SMC1B: variants seen among roughly 807,000 people sequenced by gnomAD.
The protein encoded by SMC1B is structural maintenance of chromosomes 1B.
SMC1B carries 60 observed loss-of-function variants against 157.9 expected under a neutral mutation model. The ratio of observed to expected loss-of-function variants is 0.38; its 90% CI spans 0.31 to 0.47. The LOEUF is 0.47. SMC1B is among the 20% of genes least tolerant of loss of function. The pLI, the probability that SMC1B is intolerant of heterozygous loss-of-function variation, is 0.99. For synonymous variants in SMC1B, 445 were observed against 483.0 expected (o/e 0.92, Z 1.03); for missense variants, 1,165 against 1,426.2 (o/e 0.82, Z 2.95).
intron 18 of SMC1B, among the ~76,000 whole-genome samples, chr22:45,359,498 G>C (rs767716362): frequency 1.3e-5 from 2 of 152,196 alleles, no homozygotes; most frequent in African/African-American, 2.4e-5. Flanking sequence ...CCCCGCACAT[G>C]ATGTAAAATG....
intron 1 of SMC1B, among the ~76,000 whole-genome samples, chr22:45,411,074 C>T (rs1254723499): frequency 6.6e-6 from 1 of 152,186 alleles, no homozygotes; most frequent in African/African-American, 2.4e-5. Context: ...AAAATAAATA[C>T]TTCTCATCCA....
At chr22:45,387,245 C>T (rs1040218877) in intron 10 of SMC1B, among the ~76,000 whole-genome samples, 199 bp from the exon 11 acceptor site, 4 of 152,064 alleles carry the variant, frequency 2.6e-5, no homozygotes, top group Admixed American at 6.6e-5. Flanking sequence ...GTCAGGAGTT[C>T]GAGACCAGCC....
chr22:45,350,676 C>CCAT (rs2086605998), intron 22 of SMC1B, among the ~76,000 whole-genome samples: 1 of 152,178 alleles, frequency 6.6e-6, no homozygotes, highest in African/African-American at 2.4e-5. Flanking sequence ...CAAACTTCTC[C>CCAT]CCTGCCCTCC....
intron 22 of SMC1B, among the ~76,000 whole-genome samples, chr22:45,351,491 GT>G (rs1483164085): frequency 6.6e-6 from 1 of 152,142 alleles, no homozygotes; most frequent in African/African-American, 2.4e-5. Flanking sequence ...ACTCTTGTAT[GT>G]TTTTGTTCCT....
In SMC1B at chr22:45,383,602, A is replaced by C; in HGVS notation, c.1923T>G (p.Leu641=). The C allele has an allele frequency of 6.3e-7, 1 of 1,595,306 alleles. No homozygotes were observed. The highest frequency in any genetic ancestry group is 1.1e-5 in the South Asian group (1 of 87,388). The change falls in exon 12 of 25, where the codon CTT becomes CTG. Residue 641 remains leucine (L), a synonymous_variant. Coordinates refer to ENST00000357450, the MANE Select transcript of SMC1B (RefSeq NM_148674.5). ...CAGATTTTAAAAATAATGTTCCATC[A>C]AGAGCTACTGTCTGTAAAAGTAAAA... ...SGPERQKTVA[L]DGTLFLKSGV...
chr22:45,376,714 T>C (rs1034311194), intron 12 of SMC1B, among the ~76,000 whole-genome samples: 1 of 102,842 alleles, frequency 9.7e-6, no homozygotes, highest in Non-Finnish European at 2.1e-5. Flanking sequence ...GCATTAAATA[T>C]AGTTTTTTTT....
At chr22:45,412,939 A>G (rs747033770) in intron 1 of SMC1B, among the ~76,000 whole-genome samples, 1 of 152,192 alleles carries the variant, frequency 6.6e-6, no homozygotes, top group Non-Finnish European at 1.5e-5. Flanking sequence ...ATGAGAAGGG[A>G]AAAGGGACGC....
rs534290024 is a variant in SMC1B, at chr22:45,394,983, G to A, written c.1255-216C>T. 5.3e-5 allele frequency among the ~76,000 whole-genome samples: 8 copies of A among 152,246 alleles called. No homozygotes were observed. In the South Asian group the frequency reaches 8.3e-4, roughly 16 times the overall value. ...ATTTGATCTCTAGCGATTTCTCTCT[G>A]TAACTTCAAACTTCAAGGAGATTAT... On this transcript the variant is annotated intron_variant, in intron 7 of 24. Transcript: ENST00000357450.
intron 15 of SMC1B, among the ~76,000 whole-genome samples, chr22:45,363,483 C>A (rs1181985835): frequency 1.3e-5 from 2 of 152,132 alleles, no homozygotes; most frequent in African/African-American, 2.4e-5. Flanking sequence ...GAGTTCGAGA[C>A]CAGCCTGGCC....
intron 20 of SMC1B, 78 bp downstream of exon 20, chr22:45,354,881 G>A: frequency 7.3e-7 from 1 of 1,365,436 alleles, no homozygotes; most frequent in South Asian, 1.2e-5. Flanking sequence ...GGACAACAGA[G>A]GGGAGATTGT....
In SMC1B at chr22:45,403,536, C is replaced by T. The variant is rs570568163; in HGVS notation, c.616-965G>A. ...TGGCACGATCACAGCTCACTGTAGC[C>T]TCGACCTCCTGGGCCCAAGAGATCC... On this transcript the variant is annotated intron_variant, in intron 4 of 24. Transcript: ENST00000357450. 3.9e-5 allele frequency among the ~76,000 whole-genome samples: 6 copies of T among 152,302 alleles called. No homozygotes were observed. The East Asian group carries it at 9.7e-4, about 25-fold the overall frequency.
chr22:45,371,795 G>A (rs2086835276), intron 13 of SMC1B, among the ~76,000 whole-genome samples: 1 of 152,136 alleles, frequency 6.6e-6, no homozygotes, highest in Non-Finnish European at 1.5e-5. Flanking sequence ...AATTGGCCAG[G>A]CATGGTGGCT....
Position 45,354,319 on chromosome 22 carries a change from T to C in SMC1B, c.3119-187A>G, listed in dbSNP as rs1403978571. On this transcript the variant is annotated intron_variant, in intron 20 of 24. Coordinates refer to ENST00000357450, the MANE Select transcript of SMC1B (RefSeq NM_148674.5). ...TCTTAGAATTCATGAGCCTCTTTTCTAGTAGGGCTAATTGTTAAATAATAT... is the reference window on the plus strand; with the variant it reads ...TCTTAGAATTCATGAGCCTCTTTTCCAGTAGGGCTAATTGTTAAATAATAT... Among the ~76,000 whole-genome samples the C allele has an allele frequency of 2.0e-5, 3 of 152,308 alleles. No individual in the cohort carries two copies. The East Asian group carries it at 5.8e-4, about 29-fold the overall frequency.
chr22:45,353,613 CTA>C (rs920293662), intron 21 of SMC1B, among the ~76,000 whole-genome samples: 2 of 152,034 alleles, frequency 1.3e-5, no homozygotes, highest in African/African-American at 4.8e-5. Flanking sequence ...CCAGGATCCT[CTA>C]TTATTCCACA....
chr22:45,406,549 G>T lies in SMC1B; in HGVS notation c.526C>A (p.Gln176Lys). Residue 176 changes from glutamine (Q) to lysine (K), a missense_variant, in exon 4 of 25, where the codon CAA becomes AAA. Transcript: ENST00000357450. Reference sequence around the variant, plus strand: ...AACTGTGCATCCTCTTCGGCTTTTTGTAACTTTCTTTTCTTTTCTTCATAT... The same window carrying T: ...AACTGTGCATCCTCTTCGGCTTTTTTTAACTTTCTTTTCTTTTCTTCATAT... ...GEYEEKKRKLQKAEEDAQFNF... is the reference protein window; with the variant it reads ...GEYEEKKRKLKKAEEDAQFNF... The T allele has an allele frequency of 6.2e-7, 1 of 1,612,808 alleles. No homozygotes were observed. Among genetic ancestry groups the T allele is most frequent in the Non-Finnish European group, 8.5e-7 (1 of 1,179,754 alleles).
intron 6 of SMC1B, 149 bp downstream of exon 6, chr22:45,398,946 G>T: frequency 2.6e-6 from 2 of 766,292 alleles, no homozygotes; most frequent in Non-Finnish European, 4.2e-6. Context: ...ATCTAGTTCT[G>T]TATACAGGCT....
chr22:45,392,902 T>C lies in SMC1B; in HGVS notation c.1545+732A>G, dbSNP rs558770246. 1.7e-3 allele frequency among the ~76,000 whole-genome samples: 265 copies of C among 152,304 alleles called. 1 individual carries two copies. The highest frequency in any genetic ancestry group is 6.1e-3 in the African/African-American group (254 of 41,568). On this transcript the variant is annotated intron_variant, in intron 9 of 24. Coordinates refer to ENST00000357450, the MANE Select transcript of SMC1B (RefSeq NM_148674.5). ...TTTTAGTAGAGACAGGGTTTCACCA[T>C]GTTGGCCAGGCTGGTCTCAAACTCC...
At chr22:45,392,009 G>A (rs535984809) in intron 9 of SMC1B, among the ~76,000 whole-genome samples, 4 of 152,008 alleles carry the variant, frequency 2.6e-5, no homozygotes, top group African/African-American at 7.3e-5. Context: ...AGGCTGGAGC[G>A]CAGTGGTGCT....
chr22:45,410,572 G>A (rs748990633), intron 1 of SMC1B, among the ~76,000 whole-genome samples: 24 of 152,058 alleles, frequency 1.6e-4, no homozygotes, highest in African/African-American at 2.4e-4. Flanking sequence ...CTGTGGTGGC[G>A]TGCGCCTGTA....
Sources: gnomAD v4.1 joint callset for allele counts (sites outside exome capture counted in the v4.1 genomes callset) on GRCh38, gnomAD v4.1.1 for gene constraint, MANE v1.5 for transcripts, NCBI Gene and HGNC (gene_info 2026-07-23, HGNC 2026-07-21) for gene names.